The following CD5 variants were observed in gnomAD, a reference collection of about 807,000 sequenced individuals.
CD5 encodes the protein T-cell surface glycoprotein CD5.
A neutral mutation model predicts 60.3 loss-of-function variants in CD5; 36 were observed. That is an observed-to-expected ratio of 0.60 (90% CI 0.46 to 0.79). The LOEUF (loss-of-function observed/expected upper bound fraction) is 0.79. Ranked by LOEUF, CD5 falls within the 30% of genes least tolerant of loss-of-function variation. The pLI, the probability that CD5 is intolerant of heterozygous loss-of-function variation, is 0.00. For synonymous variants in CD5, 230 were observed against 257.6 expected (o/e 0.89, Z 1.03); for missense variants, 540 against 630.6 (o/e 0.86, Z 1.54).
At chr11:61,113,875 G>C (rs1013596316) in intron 1 of CD5, among the ~76,000 whole-genome samples, 2 of 152,092 alleles carry the variant, frequency 1.3e-5, no homozygotes, top group Admixed American at 6.5e-5. Context: ...TCACCATATT[G>C]GCTAGGCCAG....
chr11:61,102,456 G>C, upstream of CD5: 1 of 535,240 alleles, frequency 1.9e-6, no homozygotes, highest in South Asian at 1.9e-5. Context: ...CCCTCCCTGA[G>C]CACGCCACCC....
intron 1 of CD5, among the ~76,000 whole-genome samples, chr11:61,105,444 G>C (rs969708321): frequency 6.6e-6 from 1 of 152,164 alleles, no homozygotes; most frequent in African/African-American, 2.4e-5. Flanking sequence ...ACCTCATAGA[G>C]GCTTATAAGG....
In CD5 at chr11:61,118,939, C is replaced by A; in HGVS notation, c.425C>A (p.Thr142Lys). ...GAACCCCAGAAGACAACACCTCCAA[C>A]GACAAGGCCCCCGCCCACCACAACT... ...CLEPQKTTPP[T>K]TRPPPTTTPE... Residue 142 changes from threonine to lysine, a missense_variant, in exon 4 of 11, where the codon ACG becomes AAG. Transcript: ENST00000347785. The surrounding 1 kb of genome is among the most constrained non-coding windows in gnomAD (Gnocchi z 4.7). The A allele has an allele frequency of 6.2e-7, 1 of 1,613,862 alleles. No individual in the cohort carries two copies. The highest frequency in any genetic ancestry group is 8.5e-7 in the Non-Finnish European group (1 of 1,179,876).
intron 4 of CD5, 87 bp from the exon 5 acceptor site, chr11:61,119,147 T>C: frequency 7.5e-7 from 1 of 1,333,398 alleles, no homozygotes; most frequent in Non-Finnish European, 1.0e-6. Context: ...TCAGTAGTTG[T>C]CCACAAGTTG....
chr11:61,101,735 C>T (rs983702159), upstream of CD5, among the ~76,000 whole-genome samples: 2 of 150,074 alleles, frequency 1.3e-5, no homozygotes, highest in South Asian at 2.1e-4. Context: ...AAATCACACA[C>T]GTCAACATGG....
chr11:61,114,952 G>T (rs919568700), intron 1 of CD5, 104 bp from the exon 2 acceptor site: 2 of 1,046,486 alleles, frequency 1.9e-6, no homozygotes, highest in Non-Finnish European at 2.8e-6. Flanking sequence ...TAGTGGATAG[G>T]GGGAGGCAGA....
intron 5 of CD5, among the ~76,000 whole-genome samples, chr11:61,119,952 T>C (rs1049644572): frequency 6.6e-6 from 1 of 150,954 alleles, no homozygotes; most frequent in African/African-American, 2.5e-5. Flanking sequence ...CTTGGAGGGG[T>C]GGGCCTTGCA....
At chr11:61,100,663 A>G (rs1323795543), upstream of CD5, among the ~76,000 whole-genome samples, 1 of 127,028 alleles carries the variant, frequency 7.9e-6, no homozygotes, top group African/African-American at 3.3e-5. Context: ...ACACATCAAC[A>G]TGGAGATCAC....
intron 1 of CD5, among the ~76,000 whole-genome samples, chr11:61,106,111 C>A (rs1447411206): frequency 2.0e-5 from 2 of 102,072 alleles, no homozygotes; most frequent in East Asian, 3.5e-4. Context: ...GGCAACAGAG[C>A]AAGACTCCAT....
chr11:61,102,938 T>G (rs1239731028), intron 1 of CD5, among the ~76,000 whole-genome samples: 1 of 152,066 alleles, frequency 6.6e-6, no homozygotes, highest in East Asian at 1.9e-4. Flanking sequence ...CTAGGCTGAG[T>G]TGGATTTTAG....
chr11:61,102,690 C>A, intron 1 of CD5, 75 bp downstream of exon 1: 3 of 1,280,428 alleles, frequency 2.3e-6, no homozygotes, highest in Non-Finnish European at 3.3e-6. Flanking sequence ...CAGTTTTACC[C>A]AAGGCTGACT....
At position 61,118,666 on chromosome 11, in the gene CD5, A is replaced by G. The variant is rs1157761469; in HGVS notation, c.400+186A>G. ...GAAGGGGCCAGCACCCATCTGTAGG[A>G]TGGCAATGGAGGACCTAGTTCTGCC... On this transcript the variant is annotated intron_variant, in intron 3 of 10. Coordinates refer to ENST00000347785, the MANE Select transcript of CD5 (RefSeq NM_014207.4). The surrounding 1 kb of genome is among the most constrained non-coding windows in gnomAD (Gnocchi z 4.7). 6.6e-6 allele frequency among the ~76,000 whole-genome samples: 1 copy of G among 152,234 alleles called. No individual in the cohort carries two copies. The highest frequency in any genetic ancestry group is 1.5e-5 in the Non-Finnish European group (1 of 68,032).
At chr11:61,109,433 A>G (rs962334986) in intron 1 of CD5, among the ~76,000 whole-genome samples, 1 of 152,232 alleles carries the variant, frequency 6.6e-6, no homozygotes, top group Non-Finnish European at 1.5e-5. Flanking sequence ...CCAGAGATGC[A>G]GCCAGTGGAG....
chr11:61,121,068 C>A (rs1039000040), intron 5 of CD5, among the ~76,000 whole-genome samples: 1 of 152,224 alleles, frequency 6.6e-6, no homozygotes, highest in Non-Finnish European at 1.5e-5. Context: ...TGAGCCAGGC[C>A]CCACTTGCTG....
At chr11:61,104,449 G>C (rs987047789) in intron 1 of CD5, among the ~76,000 whole-genome samples, 2 of 152,174 alleles carry the variant, frequency 1.3e-5, no homozygotes, top group Non-Finnish European at 2.9e-5. Context: ...CATTGAGATA[G>C]GGCGGCTCCC....
chr11:61,119,892 G>GA (rs35078679), intron 5 of CD5, among the ~76,000 whole-genome samples: 11 of 151,294 alleles, frequency 7.3e-5, no homozygotes, highest in Admixed American at 2.0e-4. Context: ...GTCTGGGGGA[G>GA]AAAAAAAAAT....
intron 2 of CD5, 81 bp downstream of exon 2, chr11:61,115,175 C>A: frequency 7.6e-7 from 1 of 1,312,664 alleles, no homozygotes; most frequent in Non-Finnish European, 1.1e-6. Context: ...GGGGACCTCT[C>A]GATGAAGCCA....
At chr11:61,122,447 T>TCAGTGGG (rs1861080731) in intron 6 of CD5, among the ~76,000 whole-genome samples, 1 of 136,186 alleles carries the variant, frequency 7.3e-6, no homozygotes, top group South Asian at 2.4e-4. Context: ...GGATGGATGG[T>TCAGTGGG]TGGATGGATG....
chr11:61,109,658 G>A (rs1199582335), intron 1 of CD5, among the ~76,000 whole-genome samples: 7 of 152,128 alleles, frequency 4.6e-5, no homozygotes, highest in African/African-American at 1.7e-4. Context: ...ACAGGGAGGA[G>A]GATATCCTCA....
Sources: gnomAD v4.1 joint callset for allele counts (sites outside exome capture counted in the v4.1 genomes callset) on GRCh38, gnomAD v4.1.1 for gene constraint, Gnocchi (gnomAD v3.1) non-coding constraint, MANE v1.5 for transcripts, NCBI Gene and HGNC (gene_info 2026-07-23, HGNC 2026-07-21) for gene names.